The following AMOTL1 variants were observed in gnomAD, a reference collection of about 807,000 sequenced individuals.
AMOTL1 encodes the protein angiomotin like 1, also known as angiomotin-like protein 1.
Under a neutral mutation model 102.9 loss-of-function variants are expected in AMOTL1, and 45 were observed. The ratio of observed to expected loss-of-function variants is 0.44; its 90% CI spans 0.34 to 0.56. AMOTL1 has a LOEUF of 0.56. AMOTL1 is among the 20% of genes least tolerant of loss of function. AMOTL1 has a pLI of 0.01. For missense variants in AMOTL1, 1,114 were observed against 1,225.6 expected, an observed-to-expected ratio of 0.91 and a Z score of 1.36; for synonymous variants, 481 against 484.7, an observed-to-expected ratio of 0.99 and a Z score of 0.10.
intron 8 of AMOTL1, 126 bp downstream of exon 8, chr11:94,854,208 G>T: frequency 8.1e-7 from 1 of 1,240,526 alleles, no homozygotes; most frequent in Non-Finnish European, 1.1e-6. Context: ...AGAACTCCCT[G>T]TCCTCAGTGA....
At chr11:94,848,788 G>A (rs1363703205) in intron 6 of AMOTL1, among the ~76,000 whole-genome samples, 1 of 152,140 alleles carries the variant, frequency 6.6e-6, no homozygotes, top group Admixed American at 6.5e-5. Context: ...TAATTTCCAT[G>A]CCCTGTATTT....
intron 8 of AMOTL1, among the ~76,000 whole-genome samples, chr11:94,856,400 TACTGTGTAAAGGG>T (rs1393055452): frequency 4.3e-4 from 65 of 152,322 alleles, no homozygotes; most frequent in African/African-American, 1.5e-3. Flanking sequence ...ATGTGGCAGA[TACTGTGTAAAGGG>T]CAAAGTGTAT....
At chr11:94,715,465 C>T (rs1234095454) in intron 1 of AMOTL1, among the ~76,000 whole-genome samples, 3 of 152,108 alleles carry the variant, frequency 2.0e-5, no homozygotes, top group Non-Finnish European at 2.9e-5. Flanking sequence ...CTCACTGCAC[C>T]CAGCCCCAGC....
chr11:94,769,703 C>G (rs1950917253), intron 1 of AMOTL1, among the ~76,000 whole-genome samples: 1 of 152,050 alleles, frequency 6.6e-6, no homozygotes, highest in Non-Finnish European at 1.5e-5. Flanking sequence ...AGAGGTGGGC[C>G]CTGAGCGTGC....
Position 94,797,098 on chromosome 11 carries a change from G to C in AMOTL1, c.199+1938G>C. On this transcript the variant is annotated intron_variant, in intron 2 of 12. Coordinates refer to ENST00000433060, the MANE Select transcript of AMOTL1 (RefSeq NM_130847.3). ...ATTTATAGGAAGAAAAGATGAACTT[G>C]GGGAAGAAAGATTGTTTTGGGAAAA... 4 of 855,284 alleles carry C rather than the reference G, an allele frequency of 4.7e-6. No homozygotes were observed. The South Asian group carries it at 2.2e-4, about 46-fold the overall frequency. The allele number at this position is 855,284 out of a possible 1,614,324, so 53.0% of individuals were successfully genotyped here. A position where few individuals can be genotyped will look rare whatever the true frequency, so the allele number is the denominator to read the frequency against.
At chr11:94,835,820 A>AT (rs1410646590) in intron 6 of AMOTL1, among the ~76,000 whole-genome samples, 1 of 152,248 alleles carries the variant, frequency 6.6e-6, no homozygotes, top group African/African-American at 2.4e-5. Flanking sequence ...TTTCTTGGAC[A>AT]TTCAATGATT....
At chr11:94,709,772 T>A (rs1949991984) in intron 1 of AMOTL1, among the ~76,000 whole-genome samples, 2 of 152,044 alleles carry the variant, frequency 1.3e-5, no homozygotes, top group Non-Finnish European at 1.5e-5. Context: ...ATAATAACAA[T>A]GTATATTAAC....
At chr11:94,791,344 G>A (rs946122616) in intron 1 of AMOTL1, among the ~76,000 whole-genome samples, 5 of 152,188 alleles carry the variant, frequency 3.3e-5, no homozygotes, top group Admixed American at 2.6e-4. Flanking sequence ...CCTAGGCACT[G>A]TACTTTCTCC....
At chr11:94,853,595 G>A (rs1419120412) in intron 7 of AMOTL1, among the ~76,000 whole-genome samples, 1 of 152,142 alleles carries the variant, frequency 6.6e-6, no homozygotes, top group East Asian at 1.9e-4. Context: ...AAACATACGT[G>A]CAAAAACTCT....
chr11:94,864,987 C>A (rs983134579), intron 10 of AMOTL1, 127 bp downstream of exon 10: 4 of 1,299,066 alleles, frequency 3.1e-6, no homozygotes, highest in Non-Finnish European at 3.0e-6. Context: ...CTCTCCTCCC[C>A]CATGCTGTGC....
At chr11:94,735,905 G>T (rs1268692275) in intron 2 of AMOTL1, among the ~76,000 whole-genome samples, 3 of 152,044 alleles carry the variant, frequency 2.0e-5, no homozygotes, top group African/African-American at 4.8e-5. Flanking sequence ...TATAAGGAAA[G>T]AAAGAACATT....
chr11:94,806,494 A>G (rs1951571439), intron 3 of AMOTL1, among the ~76,000 whole-genome samples: 1 of 152,244 alleles, frequency 6.6e-6, no homozygotes, highest in Non-Finnish European at 1.5e-5. Flanking sequence ...CTGTTGAATT[A>G]AAAATGATGC....
At chr11:94,770,073 CA>C (rs890939683) in intron 1 of AMOTL1, among the ~76,000 whole-genome samples, 5 of 152,222 alleles carry the variant, frequency 3.3e-5, no homozygotes, top group African/African-American at 1.2e-4. Flanking sequence ...TCCCTGCTTC[CA>C]AAACTGGCCT....
chr11:94,756,892 T>G (rs527438548), intron 3 of AMOTL1, among the ~76,000 whole-genome samples: 10 of 152,306 alleles, frequency 6.6e-5, no homozygotes, highest in Admixed American at 2.0e-4. Context: ...TTAGACCTCT[T>G]GATTTCAACT....
Position 94,859,217 on chromosome 11 carries a change from A to T in AMOTL1, c.1945-308A>T, listed in dbSNP as rs371497534. 3.8e-4 allele frequency among the ~76,000 whole-genome samples: 58 copies of T among 152,360 alleles called. 3 individuals are homozygous for T. The South Asian group carries it at 0.012, about 30-fold the overall frequency. ...GCCATTAGACAAGCCACTTCTTGTC[A>T]TGCAAAGACCTTGACCTGTGGAGAT... On this transcript the variant is annotated intron_variant, in intron 8 of 12. Transcript: ENST00000433060.
intron 9 of AMOTL1, 77 bp downstream of exon 9, chr11:94,859,792 A>G (rs892987296): frequency 1.3e-4 from 194 of 1,461,060 alleles, no homozygotes; most frequent in Non-Finnish European, 1.7e-4. Flanking sequence ...CTATCCAGAG[A>G]GGTCCAAGGC....
chr11:94,733,856 G>A (rs926306756), intron 2 of AMOTL1, among the ~76,000 whole-genome samples: 3 of 152,096 alleles, frequency 2.0e-5, no homozygotes, highest in South Asian at 2.1e-4. Flanking sequence ...TTTTGGAATC[G>A]TTCTTTATTC....
At chr11:94,777,051 T>C (rs1158894846) in intron 1 of AMOTL1, among the ~76,000 whole-genome samples, 2 of 152,184 alleles carry the variant, frequency 1.3e-5, no homozygotes, top group Non-Finnish European at 2.9e-5. Context: ...GTAAAACCAA[T>C]CTAGCTTCTT....
intron 3 of AMOTL1, among the ~76,000 whole-genome samples, chr11:94,817,172 T>C (rs547429031): frequency 5.3e-5 from 8 of 152,266 alleles, no homozygotes; most frequent in African/African-American, 1.9e-4. Flanking sequence ...TTAGGGCTTG[T>C]TGTTTGGGAA....
Sources: allele counts gnomAD v4.1 joint callset (sites outside exome capture counted in the v4.1 genomes callset), GRCh38; gene constraint gnomAD v4.1.1; transcripts MANE v1.5; gene names NCBI Gene and HGNC (gene_info 2026-07-23, HGNC 2026-07-21).